The following MGAM2 variants were observed in gnomAD, a reference collection of about 807,000 sequenced individuals.
MGAM2 encodes the protein maltase-glucoamylase 2 (putative), also known as probable maltase-glucoamylase 2.
In MGAM2, 98 loss-of-function variants were observed where a neutral mutation model predicts 96.1. The observed-to-expected ratio is 1.02, with a 90% CI of 0.87 to 1.21. The LOEUF (loss-of-function observed/expected upper bound fraction) is 1.21, where lower values mean the gene tolerates loss of function less well. Ranked by LOEUF, MGAM2 falls within the 50% of genes most tolerant of loss-of-function variation. The pLI is 0.00. For synonymous variants in MGAM2, 749 were observed against 414.8 expected, an observed-to-expected ratio of 1.81 and a Z score of -9.79; for missense variants, 2,055 against 1,182.4, an observed-to-expected ratio of 1.74 and a Z score of -10.82.
At chr7:142,125,357 G>A (rs992887510) in intron 3 of MGAM2, among the ~76,000 whole-genome samples, 1 of 152,094 alleles carries the variant, frequency 6.6e-6, no homozygotes, top group Admixed American at 6.6e-5. Flanking sequence ...AACTGAAGTA[G>A]GGATGTTAGA....
intron 3 of MGAM2, among the ~76,000 whole-genome samples, chr7:142,124,724 T>A (rs896667113): frequency 2.0e-5 from 3 of 152,186 alleles, no homozygotes; most frequent in African/African-American, 7.2e-5. Context: ...ATGGTATATA[T>A]CTTTCTATGT....
Position 142,186,058 on chromosome 7 carries a change from A to C in MGAM2, c.4057A>C (p.Ile1353Leu), listed in dbSNP as rs1181757165. 1.4e-6 allele frequency: 1 copy of C among 705,632 alleles called. No individual in the cohort carries two copies. The highest frequency in any genetic ancestry group is 2.7e-5 in the East Asian group (1 of 37,290). 43.7% of individuals were successfully genotyped at this position (705,632 alleles called of 1,614,324 possible). A position where few individuals can be genotyped will look rare whatever the true frequency, so the allele number is the denominator to read the frequency against. ...CACAGCTGCGTGGTGGAAGAAAGAG[A>C]TAGAAGAGCTCTATGCAAACCCTCG... ...NSTAAWWKKEIEELYANPREP... is the reference protein window; with the variant it reads ...NSTAAWWKKELEELYANPREP... The change falls in exon 35 of 48, where the codon ATA becomes CTA. Residue 1353 changes from isoleucine (I) to leucine (L), a missense_variant. Transcript: ENST00000477922.
At chr7:142,194,036 C>CT (rs537760392) in intron 37 of MGAM2, among the ~76,000 whole-genome samples, 4,526 of 145,302 alleles carry the variant, frequency 0.031, 228 homozygotes, top group African/African-American at 0.11. Flanking sequence ...CTTTCTTCTT[C>CT]TTTTTTTTTT....
intron 45 of MGAM2, among the ~76,000 whole-genome samples, chr7:142,201,444 A>G (rs184040964): frequency 6.6e-6 from 1 of 152,278 alleles, no homozygotes. Flanking sequence ...CCTGGAAGTG[A>G]TATTACTGTC....
At chr7:142,162,085 A>G in intron 23 of MGAM2, 81 bp downstream of exon 23, 1 of 598,274 alleles carries the variant, frequency 1.7e-6, no homozygotes, top group Admixed American at 3.1e-5. Context: ...ATATAGACAC[A>G]TGGTTATGTG....
In MGAM2 at chr7:142,161,181, G is replaced by A; in HGVS notation, c.2402G>A (p.Gly801Glu). ...IALDYKREAK[G>E]ELYWDDGVSK... is the part of the protein sequence containing the mutation. ...TTGGACTATAAGAGAGAAGCAAAGG[G>A]GGAGCTGTACTGGGATGACGGTGTA... Residue 801 changes from glycine (G) to glutamate (E), a missense_variant, in exon 22 of 48, where the codon GGG becomes GAG. Coordinates refer to ENST00000477922, the MANE Select transcript of MGAM2 (RefSeq NM_001293626.2). 1.4e-6 allele frequency: 1 copy of A among 702,754 alleles called. No individual in the cohort carries two copies. The highest frequency in any genetic ancestry group is 1.5e-5 in the South Asian group (1 of 67,586). 43.5% of individuals were successfully genotyped at this position (702,754 alleles called of 1,614,324 possible).
At chr7:142,147,733 A>G (rs1424053720) in intron 15 of MGAM2, among the ~76,000 whole-genome samples, 160 bp downstream of exon 15, 6 of 152,322 alleles carry the variant, frequency 3.9e-5, no homozygotes, top group Non-Finnish European at 8.8e-5. Context: ...TTCCTCTCAT[A>G]TACACCCTGG....
chr7:142,180,869 A>G (rs990958138), intron 32 of MGAM2, among the ~76,000 whole-genome samples: 7 of 152,144 alleles, frequency 4.6e-5, no homozygotes, highest in African/African-American at 7.2e-5. Context: ...TTTTGTTTTA[A>G]TCCCAGAAGT....
At chr7:142,117,936 T>G in intron 2 of MGAM2, among the ~76,000 whole-genome samples, 1 of 151,952 alleles carries the variant, frequency 6.6e-6, no homozygotes, top group African/African-American at 2.4e-5. Flanking sequence ...CAACTGTTTT[T>G]TTTTCTTCTG....
chr7:142,155,899 A>C (rs1013653812), intron 17 of MGAM2, among the ~76,000 whole-genome samples: 2 of 152,248 alleles, frequency 1.3e-5, no homozygotes, highest in South Asian at 2.1e-4. Context: ...TAATCCCAGC[A>C]CTTTGGGAGG....
intron 20 of MGAM2, 45 bp from the exon 21 acceptor site, chr7:142,160,089 A>G (rs1285079006): frequency 3.0e-6 from 2 of 674,500 alleles, no homozygotes; most frequent in Non-Finnish European, 5.4e-6. Context: ...TCCTAGCTGA[A>G]ACAGCTTATT....
chr7:142,154,384 C>T (rs998964322), intron 16 of MGAM2, among the ~76,000 whole-genome samples, 195 bp downstream of exon 16: 3 of 152,160 alleles, frequency 2.0e-5, no homozygotes, highest in Non-Finnish European at 4.4e-5. Flanking sequence ...AGTTGTCATC[C>T]ATGGAATCTC....
At chr7:142,157,176 A>G (rs1795759494) in intron 17 of MGAM2, among the ~76,000 whole-genome samples, 1 of 152,216 alleles carries the variant, frequency 6.6e-6, no homozygotes, top group Non-Finnish European at 1.5e-5. Flanking sequence ...ATTACAGACC[A>G]TGGTGGCAGG....
At position 142,144,907 on chromosome 7, in the gene MGAM2, G is replaced by A; in HGVS notation, c.1478G>A (p.Cys493Tyr). Residue 493 changes from cysteine (C) to tyrosine (Y), a missense_variant, in exon 14 of 48, where the codon TGT (cysteine) becomes TAT (tyrosine). By Grantham distance (194) the Cys-to-Tyr change is radical. Transcript: ENST00000477922. The stretch of plus-strand genomic sequence containing the variant: ...TTACTCCAAGCTTCTAATAACCAGT[G>A]TGAATCCAACAACTTGAACTTTCCT... ...SSLLQASNNQ[C>Y]ESNNLNFPPF... The A allele has an allele frequency of 2.8e-6, 2 of 702,808 alleles. No individual in the cohort carries two copies. Among genetic ancestry groups the A allele is most frequent in the African/African-American group, 1.7e-5 (1 of 57,368 alleles). 43.5% of individuals were successfully genotyped at this position (702,808 alleles called of 1,614,324 possible). A position where few individuals can be genotyped will look rare whatever the true frequency, so the allele number is the denominator to read the frequency against.
chr7:142,211,203 C>T (rs1243256626), intron 46 of MGAM2, among the ~76,000 whole-genome samples: 2 of 152,126 alleles, frequency 1.3e-5, no homozygotes, highest in Non-Finnish European at 2.9e-5. Flanking sequence ...ACAGCAAAGA[C>T]CAAAGGTAGA....
At chr7:142,116,146 A>G (rs1817393066) in intron 1 of MGAM2, among the ~76,000 whole-genome samples, 1 of 152,226 alleles carries the variant, frequency 6.6e-6, no homozygotes. Flanking sequence ...TACAGGTCCA[A>G]ATAGGTAAAT....
Position 142,199,908 on chromosome 7 carries a change from G to A in MGAM2, c.5077G>A (p.Ala1693Thr), listed in dbSNP as rs981628553. ...SRQNFMGLIV[A>T]LDDNGTAEGQ... Reference sequence around the variant, plus strand: ...ACAAAATTTTATGGGATTGATTGTTGCTTTGGATGACAATGGGACAGCTGA... The same window carrying A: ...ACAAAATTTTATGGGATTGATTGTTACTTTGGATGACAATGGGACAGCTGA... Residue 1693 changes from alanine (A) to threonine (T), a missense_variant, in exon 45 of 48, where the codon GCT becomes ACT. Transcript: ENST00000477922. 9 of 636,110 alleles carry A rather than the reference G, an allele frequency of 1.4e-5. No individual in the cohort carries two copies. The highest frequency in any genetic ancestry group is 3.4e-5 in the South Asian group (2 of 58,842). 39.4% of individuals were successfully genotyped at this position (636,110 alleles called of 1,614,324 possible). A position where few individuals can be genotyped will look rare whatever the true frequency, so the allele number is the denominator to read the frequency against.
At chr7:142,154,274 A>T in intron 16 of MGAM2, 85 bp downstream of exon 16, 1 of 504,724 alleles carries the variant, frequency 2.0e-6, no homozygotes, top group South Asian at 3.8e-5. Context: ...TATCTGAAAA[A>T]CCAAGGATCA....
At chr7:142,196,893 C>T in intron 40 of MGAM2, 77 bp downstream of exon 40, 2 of 654,260 alleles carry the variant, frequency 3.1e-6, no homozygotes, top group Non-Finnish European at 5.5e-6. Flanking sequence ...GACTATTATA[C>T]TCATTTCCTG....
Sources: gnomAD v4.1 joint callset for allele counts (sites outside exome capture counted in the v4.1 genomes callset) on GRCh38, gnomAD v4.1.1 for gene constraint, MANE v1.5 for transcripts, NCBI Gene and HGNC (gene_info 2026-07-23, HGNC 2026-07-21) for gene names.